The following SRGAP1 variants were observed in gnomAD, a reference collection of about 807,000 sequenced individuals.
SRGAP1 encodes the protein SLIT-ROBO Rho GTPase-activating protein 1.
In SRGAP1, 43 loss-of-function variants were observed where a neutral mutation model predicts 121.9. The ratio of observed to expected loss-of-function variants is 0.35; its 90% CI spans 0.28 to 0.46. The LOEUF (loss-of-function observed/expected upper bound fraction) is 0.46, where lower values mean the gene tolerates loss of function less well. SRGAP1 is among the 20% of genes least tolerant of loss of function. SRGAP1 has a pLI of 1.00. For missense variants in SRGAP1, 1,102 were observed against 1,350.9 expected (o/e 0.82, Z 2.89); for synonymous variants, 447 against 485.4 (o/e 0.92, Z 1.04).
chr12:63,950,445 A>G (rs1323790756), intron 1 of SRGAP1, among the ~76,000 whole-genome samples: 1 of 151,774 alleles, frequency 6.6e-6, no homozygotes, highest in Non-Finnish European at 1.5e-5. Context: ...TTGTAACTCA[A>G]CTGTTTCTTT....
rs770020265 is a variant in SRGAP1 at position 63,984,047 on chromosome 12, A to G, written c.168A>G (p.Lys56=). 1.9e-6 allele frequency: 3 copies of G among 1,562,332 alleles called. No homozygotes were observed. Among genetic ancestry groups the G allele is most frequent in the South Asian group, 2.4e-5 (2 of 83,502 alleles). Residue 56 remains lysine, a synonymous_variant, in exon 2 of 22, where the codon AAA becomes AAG. Coordinates refer to ENST00000355086, the MANE Select transcript of SRGAP1 (RefSeq NM_020762.4). ...LQDLQDFFRK[K]AEIETEYSRN... ...ATCTGCAAGATTTCTTCCGAAAAAAAGCTGAAATTGAGACGGAATATTCCC... is the reference window on the plus strand; with the variant it reads ...ATCTGCAAGATTTCTTCCGAAAAAAGGCTGAAATTGAGACGGAATATTCCC...
At chr12:63,986,363 A>G (rs899054105) in intron 2 of SRGAP1, among the ~76,000 whole-genome samples, 1 of 152,202 alleles carries the variant, frequency 6.6e-6, no homozygotes, top group Non-Finnish European at 1.5e-5. Flanking sequence ...TTCACATAGT[A>G]ACTTAACTGT....
Position 64,151,173 on chromosome 12 carries a change from AAAT to A in SRGAP1, c.*8509_*8511del, listed in dbSNP as rs1159281316. ...ACCCATGCCTCCATTTCCCAAACAG[AAAT>A]AATAATATGAACATCTTAGTATATT... On this transcript the variant is annotated 3_prime_UTR_variant, in exon 22 of 22. Transcript: ENST00000355086. 9 of 152,084 alleles carry A rather than the reference AAAT, an allele frequency of 5.9e-5. No homozygotes were observed. The highest frequency in any genetic ancestry group is 1.9e-4 in the African/African-American group (8 of 41,418). 9.4% of individuals were successfully genotyped at this position (152,084 alleles called of 1,614,324 possible).
chr12:63,849,960 A>T (rs1899021797), intron 1 of SRGAP1, among the ~76,000 whole-genome samples: 1 of 152,190 alleles, frequency 6.6e-6, no homozygotes, highest in Non-Finnish European at 1.5e-5. Flanking sequence ...TCATTGTTGG[A>T]ACTAAGAGAG....
chr12:63,950,638 G>T (rs556247095), intron 1 of SRGAP1, among the ~76,000 whole-genome samples: 1 of 151,900 alleles, frequency 6.6e-6, no homozygotes, highest in Non-Finnish European at 1.5e-5. Context: ...GTGTCCCTCC[G>T]TGCCCTCCTT....
intron 12 of SRGAP1, among the ~76,000 whole-genome samples, chr12:64,093,110 A>G (rs1184267669): frequency 6.6e-6 from 1 of 152,176 alleles, no homozygotes; most frequent in Non-Finnish European, 1.5e-5. Flanking sequence ...AGACAGCAAG[A>G]GCAAAACCAT....
chr12:63,907,679 C>CT (rs2136313170), intron 1 of SRGAP1, among the ~76,000 whole-genome samples: 1 of 152,200 alleles, frequency 6.6e-6, no homozygotes, highest in African/African-American at 2.4e-5. Context: ...CGTGTGTTGT[C>CT]TTTTTGCTCT....
chr12:64,092,667 A>C (rs1487621055), intron 12 of SRGAP1, among the ~76,000 whole-genome samples: 2 of 152,146 alleles, frequency 1.3e-5, no homozygotes, highest in Non-Finnish European at 2.9e-5. Context: ...ATTATTGTCA[A>C]ATTTGATTAC....
chr12:63,919,802 A>G lies in SRGAP1; in HGVS notation c.68-64145A>G, dbSNP rs560169245. On this transcript the variant is annotated intron_variant, in intron 1 of 21. Coordinates refer to ENST00000355086, the MANE Select transcript of SRGAP1 (RefSeq NM_020762.4). ...GTTTGTTTTGATTTGTAAAAATAGT[A>G]TAACTGTTTGACATTGTTGCATGTA... Among the ~76,000 whole-genome samples the G allele has an allele frequency of 6.6e-5, 10 of 152,322 alleles. No individual in the cohort carries two copies. The East Asian group carries it at 1.7e-3, about 26-fold the overall frequency.
At chr12:63,912,379 G>A (rs1048955258) in intron 1 of SRGAP1, among the ~76,000 whole-genome samples, 1 of 152,300 alleles carries the variant, frequency 6.6e-6, no homozygotes, top group South Asian at 2.1e-4. Flanking sequence ...CAGCCAAGGC[G>A]AGAGAATCAC....
chr12:63,953,917 GAC>G (rs2032375879), intron 1 of SRGAP1, among the ~76,000 whole-genome samples: 1 of 152,170 alleles, frequency 6.6e-6, no homozygotes, highest in South Asian at 2.1e-4. Flanking sequence ...AACTTTCACT[GAC>G]AGTCTTCCCA....
chr12:63,885,238 A>T (rs1900338418), intron 1 of SRGAP1, among the ~76,000 whole-genome samples: 1 of 152,150 alleles, frequency 6.6e-6, no homozygotes, highest in Non-Finnish European at 1.5e-5. Flanking sequence ...TGGGGTTCTT[A>T]TGACTTTCCT....
At position 63,879,409 on chromosome 12, in the gene SRGAP1, C is replaced by G. The variant is rs1017398761; in HGVS notation, c.67+34526C>G. ...CCTCTCAGACTATCTATGGTGAAGG[C>G]CTAATTTTGTTCCGAATTCGTCATG... On this transcript the variant is annotated intron_variant, in intron 1 of 21. Transcript: ENST00000355086. The G allele has an allele frequency of 1.6e-4, 24 of 152,180 alleles. 1 individual carries two copies. The highest frequency in any genetic ancestry group is 7.9e-4 in the Admixed American group (12 of 15,284). 9.4% of individuals were successfully genotyped at this position (152,180 alleles called of 1,614,324 possible).
At chr12:64,019,299 G>C (rs1402567385) in intron 4 of SRGAP1, among the ~76,000 whole-genome samples, 2 of 152,116 alleles carry the variant, frequency 1.3e-5, no homozygotes, top group African/African-American at 4.8e-5. Flanking sequence ...TGACACCTCA[G>C]AACTCTTATC....
chr12:64,043,695 A>G, intron 6 of SRGAP1, 120 bp downstream of exon 6: 1 of 713,568 alleles, frequency 1.4e-6, no homozygotes, highest in Non-Finnish European at 2.2e-6. Flanking sequence ...ACTCAAAAAG[A>G]AAAAAATACT....
At chr12:63,855,846 T>C (rs989200040) in intron 1 of SRGAP1, among the ~76,000 whole-genome samples, 1 of 152,184 alleles carries the variant, frequency 6.6e-6, no homozygotes, top group Admixed American at 6.5e-5. Flanking sequence ...TAGGTGTGTA[T>C]ATCTTATTGA....
intron 21 of SRGAP1, among the ~76,000 whole-genome samples, chr12:64,133,904 A>G (rs1200338868): frequency 2.0e-5 from 3 of 152,060 alleles, no homozygotes; most frequent in Non-Finnish European, 4.4e-5. Context: ...GAGTCAGACT[A>G]TTCTGCTTGC....
chr12:64,048,648 A>T (rs1029127183), intron 6 of SRGAP1, among the ~76,000 whole-genome samples: 1 of 152,046 alleles, frequency 6.6e-6, no homozygotes, highest in Non-Finnish European at 1.5e-5. Context: ...TTTCCTCCAC[A>T]TCCTTACCGG....
intron 7 of SRGAP1, among the ~76,000 whole-genome samples, chr12:64,064,027 C>T (rs2035495658): frequency 6.6e-6 from 1 of 151,846 alleles, no homozygotes; most frequent in Admixed American, 6.6e-5. Context: ...GTATTTAAGC[C>T]AAACACACAT....
Sources: allele counts gnomAD v4.1 joint callset (sites outside exome capture counted in the v4.1 genomes callset), GRCh38; gene constraint gnomAD v4.1.1; transcripts MANE v1.5; gene names NCBI Gene and HGNC (gene_info 2026-07-23, HGNC 2026-07-21).